The following SUPT6H variants were observed in gnomAD, a reference collection of about 807,000 sequenced individuals.
SUPT6H encodes transcription elongation factor SPT6.
In SUPT6H, 11 loss-of-function variants were observed where a neutral mutation model predicts 222.3. The observed-to-expected ratio is 0.05, with a 90% CI of 0.03 to 0.08. SUPT6H has a LOEUF of 0.08. SUPT6H is among the 10% of genes least tolerant of loss of function. The pLI is 1.00. For synonymous variants in SUPT6H, 762 were observed against 801.2 expected, an observed-to-expected ratio of 0.95 and a Z score of 0.83; for missense variants, 1,422 against 2,216.0, an observed-to-expected ratio of 0.64 and a Z score of 7.19.
At chr17:28,689,315 A>T (rs1333270222) in intron 24 of SUPT6H, 39 bp from the exon 25 acceptor site, 1 of 1,604,214 alleles carries the variant, frequency 6.2e-7, no homozygotes, top group South Asian at 1.1e-5. Flanking sequence ...CTAGAAGCTT[A>T]TCGTTCTATA....
Position 28,687,476 on chromosome 17 carries a change from G to A in SUPT6H, c.3006+5G>A, listed in dbSNP as rs778342763. ...AAAGGGACCCACCTCCTGAAGGTAG[G>A]ATTGGAGTGAATTCAGAAATTTTAA... On this transcript the variant is annotated splice_donor_5th_base_variant and intron_variant, in intron 23 of 36. Coordinates refer to ENST00000314616, the MANE Select transcript of SUPT6H (RefSeq NM_003170.5). 32 of 1,611,662 alleles carry A rather than the reference G, an allele frequency of 2.0e-5. No individual in the cohort carries two copies. The highest frequency in any genetic ancestry group is 2.5e-5 in the Non-Finnish European group (30 of 1,178,962).
intron 11 of SUPT6H, among the ~76,000 whole-genome samples, chr17:28,679,715 G>A (rs890227009): frequency 2.6e-5 from 4 of 151,882 alleles, no homozygotes; most frequent in African/African-American, 9.7e-5. Flanking sequence ...GCTGGGGCCT[G>A]GCACGGTGGC....
chr17:28,693,059 A>G (rs923054019), intron 27 of SUPT6H, among the ~76,000 whole-genome samples: 4 of 151,302 alleles, frequency 2.6e-5, no homozygotes, highest in Non-Finnish European at 4.4e-5. Context: ...AGTCCCAGCT[A>G]CTCGAGAGGC....
In SUPT6H at chr17:28,676,374, C is replaced by T; in HGVS notation, c.841C>T (p.His281Tyr). The change falls in exon 7 of 37, where the codon CAC becomes TAC. Residue 281 changes from histidine to tyrosine, a missense_variant. Transcript: ENST00000314616. ...TGAGCCCAGTGAGCTAGAAAGCAGC[C>T]ACCTCACAGATCAGGACAATGAAAT... ...MYEPSELESSHLTDQDNEIRA... is the reference protein window; with the variant it reads ...MYEPSELESSYLTDQDNEIRA... The T allele has an allele frequency of 6.2e-7, 1 of 1,613,886 alleles. No individual in the cohort carries two copies. Among genetic ancestry groups the T allele is most frequent in the Non-Finnish European group, 8.5e-7 (1 of 1,179,994 alleles).
intron 1 of SUPT6H, among the ~76,000 whole-genome samples, chr17:28,663,602 T>G (rs1660795997): frequency 6.6e-6 from 1 of 152,094 alleles, no homozygotes; most frequent in African/African-American, 2.4e-5. Context: ...TTGTCTTCCT[T>G]CCTGTCCACT....
In SUPT6H at chr17:28,699,848, G is replaced by A; in HGVS notation, c.4516G>A (p.Gly1506Arg). ...YRGQIFPTVNGLFRWFKDHYQ... is the reference protein window; with the variant it reads ...YRGQIFPTVNRLFRWFKDHYQ... Reference sequence around the variant, plus strand: ...GGGCCAGATCTTCCCAACCGTGAATGGACTGTTTAGATGGTTTAAGGATCA... The same window carrying A: ...GGGCCAGATCTTCCCAACCGTGAATAGACTGTTTAGATGGTTTAAGGATCA... Residue 1506 changes from glycine to arginine, a missense_variant, in exon 33 of 37, where the codon GGA (glycine) becomes AGA (arginine). Physicochemically the swap from Gly to Arg is moderately radical, Grantham distance 125. Transcript: ENST00000314616. The A allele has an allele frequency of 6.2e-7, 1 of 1,614,206 alleles. No individual in the cohort carries two copies.
chr17:28,690,828 G>T, intron 26 of SUPT6H, 93 bp from the exon 27 acceptor site: 1 of 1,406,464 alleles, frequency 7.1e-7, no homozygotes, highest in Non-Finnish European at 9.7e-7. Context: ...AGGATGGGAA[G>T]GAAGTCAGAT....
intron 13 of SUPT6H, chr17:28,682,220 A>G (rs1410223263): frequency 2.6e-5 from 12 of 456,432 alleles, no homozygotes; most frequent in Admixed American, 2.4e-4. Flanking sequence ...TTGGAGGGAG[A>G]GAGTCCAGTC....
In SUPT6H at chr17:28,701,098, C is replaced by T. The variant is rs373622785; in HGVS notation, c.4964C>T (p.Ser1655Phe). 6.2e-7 allele frequency: 1 copy of T among 1,612,436 alleles called. No homozygotes were observed. The highest frequency in any genetic ancestry group is 8.5e-7 in the Non-Finnish European group (1 of 1,179,640). Residue 1655 changes from serine (S) to phenylalanine (F), a missense_variant, in exon 36 of 37, where the codon TCC becomes TTC. Coordinates refer to ENST00000314616, the MANE Select transcript of SUPT6H (RefSeq NM_003170.5). ...QSAQAQPQPS[S>F]SSRQRQQQPK... ...GCCCAGGCCCAGCCCCAGCCCTCTT[C>T]CAGCTCCCGGCAACGGCAGCAGCAG...
Position 28,701,692 on chromosome 17 carries a change from T to A in SUPT6H, c.*67T>A, listed in dbSNP as rs1156777818. ...AAGGCCTGGCTGCCCACTGCCTCCCTCCCTGCCCCTCCTTTTATGTCCATA... is the reference window on the plus strand; with the variant it reads ...AAGGCCTGGCTGCCCACTGCCTCCCACCCTGCCCCTCCTTTTATGTCCATA... On this transcript the variant is annotated 3_prime_UTR_variant, in exon 37 of 37. Coordinates refer to ENST00000314616, the MANE Select transcript of SUPT6H (RefSeq NM_003170.5). 1 of 1,471,500 alleles carries A rather than the reference T, an allele frequency of 6.8e-7. No homozygotes were observed. Among genetic ancestry groups the A allele is most frequent in the African/African-American group, 1.4e-5 (1 of 71,394 alleles). 91.2% of individuals were successfully genotyped at this position (1,471,500 alleles called of 1,614,324 possible).
At chr17:28,676,124 C>A in intron 6 of SUPT6H, 33 bp from the exon 7 acceptor site, 1 of 1,549,282 alleles carries the variant, frequency 6.5e-7, no homozygotes. Flanking sequence ...CTCACCTGAA[C>A]CTGAGCCACC....
chr17:28,680,531 G>A (rs1471514212), intron 11 of SUPT6H, among the ~76,000 whole-genome samples: 1 of 152,022 alleles, frequency 6.6e-6, no homozygotes, highest in African/African-American at 2.4e-5. Flanking sequence ...GGAGGTGGAG[G>A]TTGCAGTGAG....
chr17:28,676,139 T>C lies in SUPT6H; in HGVS notation c.624-18T>C, dbSNP rs1444136862. The C allele has an allele frequency of 1.3e-6, 2 of 1,558,374 alleles. No homozygotes were observed. The highest frequency in any genetic ancestry group is 2.7e-5 in the African/African-American group (2 of 72,742). ...CTCACCTGAACCTGAGCCACCTGCCTCTTGCTGCCACCTACAGGGCCCTGC... is the reference window on the plus strand; with the variant it reads ...CTCACCTGAACCTGAGCCACCTGCCCCTTGCTGCCACCTACAGGGCCCTGC... On this transcript the variant is annotated intron_variant, in intron 6 of 36. Coordinates refer to ENST00000314616, the MANE Select transcript of SUPT6H (RefSeq NM_003170.5).
At chr17:28,681,861 C>T (rs2031123964) in intron 12 of SUPT6H, 21 bp from the exon 13 acceptor site, 1 of 1,591,458 alleles carries the variant, frequency 6.3e-7, no homozygotes. Context: ...AACCCTAAAT[C>T]TCCCCATGTT....
chr17:28,699,924 G>A (rs762535228), intron 33 of SUPT6H, 31 bp downstream of exon 33: 60 of 1,592,954 alleles, frequency 3.8e-5, no homozygotes, highest in Non-Finnish European at 4.6e-5. Context: ...CTTCAGGGAC[G>A]TGGCTGGAGG....
intron 5 of SUPT6H, 56 bp from the exon 6 acceptor site, chr17:28,675,345 T>G: frequency 6.3e-7 from 1 of 1,597,380 alleles, no homozygotes; most frequent in Non-Finnish European, 8.6e-7. Context: ...ACCAAAGCAA[T>G]TTAGTCCTGG....
chr17:28,675,161 A>G lies in SUPT6H; in HGVS notation c.537A>G (p.Ser179=), dbSNP rs537793238. ...AGGAGGAAGAAGATGATGAGGAGTC[A>G]GGTATGTTATATTGGGCAGGGAAGC... ...PEEEEEDDEE[S]DIDDFIVDDD... is the part of the protein sequence containing the mutation. Residue 179 remains serine, a splice_region_variant and synonymous_variant, in exon 5 of 37, where the codon TCA becomes TCG. Transcript: ENST00000314616. 1.9e-6 allele frequency: 3 copies of G among 1,607,888 alleles called. No homozygotes were observed. The East Asian group carries it at 6.7e-5, about 36-fold the overall frequency.
In SUPT6H at chr17:28,688,290, G is replaced by A. The variant is rs1380168056; in HGVS notation, c.3134+72G>A. 6.6e-7 allele frequency: 1 copy of A among 1,519,800 alleles called. No individual in the cohort carries two copies. The highest frequency in any genetic ancestry group is 2.4e-5 in the East Asian group (1 of 42,182). 94.1% of individuals were successfully genotyped at this position (1,519,800 alleles called of 1,614,324 possible). On this transcript the variant is annotated intron_variant, in intron 24 of 36. Transcript: ENST00000314616. The surrounding 1 kb of genome is among the most constrained non-coding windows in gnomAD (Gnocchi z 4.3). ...TTTGTTTTCGGGTTTCAGGGGTTAGGGCTATCAAAGGGCCACAAGCCATTT... is the reference window on the plus strand; with the variant it reads ...TTTGTTTTCGGGTTTCAGGGGTTAGAGCTATCAAAGGGCCACAAGCCATTT...
At chr17:28,681,712 CAAAAAA>C (rs541707928) in intron 12 of SUPT6H, among the ~76,000 whole-genome samples, 164 bp from the exon 13 acceptor site, 26 of 89,066 alleles carry the variant, frequency 2.9e-4, no homozygotes, top group African/African-American at 1.0e-3. Flanking sequence ...GGCTGTGTCT[CAAAAAA>C]AAAAAAAAAA....
Sources: gnomAD v4.1 joint callset for allele counts (sites outside exome capture counted in the v4.1 genomes callset) on GRCh38, gnomAD v4.1.1 for gene constraint, Gnocchi (gnomAD v3.1) non-coding constraint, MANE v1.5 for transcripts, NCBI Gene and HGNC (gene_info 2026-07-23, HGNC 2026-07-21) for gene names.